LYST: variants seen among roughly 807,000 people sequenced by gnomAD.
LYST encodes lysosomal trafficking regulator.
LYST carries 192 observed loss-of-function variants against 413.6 expected under a neutral mutation model. The ratio of observed to expected loss-of-function variants is 0.46; its 90% confidence interval spans 0.41 to 0.52. The LOEUF is 0.52. Among genes scored for constraint, LYST ranks in the 20% least tolerant of loss-of-function variants. LYST has a pLI of 0.00. For synonymous variants in LYST, 1,525 were observed against 1,567.3 expected, an observed-to-expected ratio of 0.97 and a Z score of 0.64; for missense variants, 3,815 against 4,499.9, an observed-to-expected ratio of 0.85 and a Z score of 4.35.
chr1:235,755,371 A>G, intron 25 of LYST, 107 bp downstream of exon 25: 1 of 1,069,436 alleles, frequency 9.4e-7, no homozygotes, highest in Non-Finnish European at 1.4e-6. Context: ...CCTGGGCAAC[A>G]GGGCGAGACT....
intron 47 of LYST, among the ~76,000 whole-genome samples, chr1:235,690,909 A>C (rs2103068379): frequency 7.2e-6 from 1 of 139,586 alleles, no homozygotes; most frequent in African/African-American, 2.7e-5. Context: ...TACAGTTTAC[A>C]AGTTTCTTTT....
At chr1:235,755,851 G>C (rs1666989461) in intron 24 of LYST, among the ~76,000 whole-genome samples, 1 of 152,082 alleles carries the variant, frequency 6.6e-6, no homozygotes, top group Non-Finnish European at 1.5e-5. Flanking sequence ...CTCCATCTTG[G>C]AGATCTTAAT....
chr1:235,712,950 A>G, intron 42 of LYST: 1 of 985,384 alleles, frequency 1.0e-6, no homozygotes, highest in Non-Finnish European at 1.2e-6. Flanking sequence ...TGAAAACAGT[A>G]GCAGTTTACA....
At chr1:235,835,458 G>A (rs557599398) in intron 1 of LYST, among the ~76,000 whole-genome samples, 5 of 152,256 alleles carry the variant, frequency 3.3e-5, no homozygotes, top group Non-Finnish European at 5.9e-5. Flanking sequence ...AGCTAGATCC[G>A]TCTGTTTCTC....
intron 3 of LYST, among the ~76,000 whole-genome samples, chr1:235,813,625 C>G (rs1416311583): frequency 6.6e-6 from 1 of 152,116 alleles, no homozygotes; most frequent in Admixed American, 6.5e-5. Flanking sequence ...ATGGTCCAAG[C>G]CCTGGAGAAG....
rs1553293955 is a variant in LYST at position 235,778,121 on chromosome 1, A to ATT, written c.5215-815_5215-814dup. 5.3e-4 allele frequency among the ~76,000 whole-genome samples: 77 copies of ATT among 145,296 alleles called. 2 individuals are homozygous for ATT. The highest frequency in any genetic ancestry group is 3.6e-3 in the Middle Eastern group (1 of 280). The stretch of plus-strand genomic sequence containing the variant: ...TAAATATATATATATATATATATAT[A>ATT]TTTTTGTAGAGACATGGTCTTGTTA... On this transcript the variant is annotated intron_variant, in intron 16 of 52. Coordinates refer to ENST00000389793, the MANE Select transcript of LYST (RefSeq NM_000081.4).
intron 6 of LYST, among the ~76,000 whole-genome samples, chr1:235,805,214 G>C (rs182826228): frequency 6.6e-6 from 1 of 152,316 alleles, no homozygotes; most frequent in East Asian, 1.9e-4. Context: ...GAGGTTAGGA[G>C]AAGAATCTGG....
chr1:235,787,119 C>A, intron 14 of LYST, 81 bp downstream of exon 14: 2 of 1,069,526 alleles, frequency 1.9e-6, no homozygotes, highest in Non-Finnish European at 2.9e-6. Flanking sequence ...TTTCTGTATT[C>A]TGTTTCAGAA....
chr1:235,882,927 T>C (rs1681441049), intron 1 of LYST, among the ~76,000 whole-genome samples: 1 of 152,158 alleles, frequency 6.6e-6, no homozygotes, highest in Non-Finnish European at 1.5e-5. Context: ...TGAATGTCTT[T>C]GGCTCACCCC....
chr1:235,727,742 G>A (rs538169333), intron 38 of LYST, among the ~76,000 whole-genome samples: 4 of 151,998 alleles, frequency 2.6e-5, no homozygotes, highest in Non-Finnish European at 5.9e-5. Context: ...TGAAGGCAAA[G>A]GTACTTGATA....
rs1486245370 is a variant in LYST, at chr1:235,777,047, A to C, written c.5460+16T>G. On this transcript the variant is annotated intron_variant, in intron 17 of 52. Transcript: ENST00000389793. ...GTCATTTCTCTTTAGACAAAACTAT[A>C]AGCAGTGATTCTTACCCTGGCAAAG... is the stretch of plus-strand genomic sequence containing the variant. The C allele has an allele frequency of 1.2e-6, 2 of 1,610,450 alleles. No homozygotes were observed. Among genetic ancestry groups the C allele is most frequent in the African/African-American group, 2.7e-5 (2 of 74,864 alleles).
At chr1:235,828,400 C>A (rs1225023101) in intron 3 of LYST, among the ~76,000 whole-genome samples, 5 of 152,094 alleles carry the variant, frequency 3.3e-5, no homozygotes, top group African/African-American at 1.2e-4. Flanking sequence ...GAATTGTACA[C>A]ATAAAATGGG....
intron 48 of LYST, among the ~76,000 whole-genome samples, chr1:235,680,018 T>TATAC (rs1553264039): frequency 6.6e-6 from 1 of 150,522 alleles, no homozygotes; most frequent in African/African-American, 2.4e-5. Flanking sequence ...TATCTATGTA[T>TATAC]ACACACACAC....
chr1:235,714,233 A>G (rs1398716076), intron 42 of LYST, among the ~76,000 whole-genome samples: 2 of 152,176 alleles, frequency 1.3e-5, no homozygotes, highest in African/African-American at 2.4e-5. Flanking sequence ...TGTCCTATTT[A>G]TTTTTTGGTA....
Position 235,809,538 on chromosome 1 carries a change from C to T in LYST, c.1280G>A (p.Ser427Asn), listed in dbSNP as rs1486029757. The T allele has an allele frequency of 6.8e-6, 11 of 1,614,050 alleles. 1 individual carries two copies. The highest frequency in any genetic ancestry group is 6.7e-5 in the East Asian group (3 of 44,876). Residue 427 changes from serine (S) to asparagine (N), a missense_variant, in exon 5 of 53, where the codon AGT (serine) becomes AAT (asparagine). Transcript: ENST00000389793. The surrounding 1 kb of genome is among the most constrained non-coding windows in gnomAD (Gnocchi z 4.0). ...QSAASNPFYF[S>N]QAMDLVQEFI... Reference sequence around the variant, plus strand: ...TTCTTGAACCAAATCCATGGCTTGACTGAAGTAGAAGGGATTTGAAGCTGC... The same window carrying T: ...TTCTTGAACCAAATCCATGGCTTGATTGAAGTAGAAGGGATTTGAAGCTGC...
At chr1:235,748,988 A>G (rs917984363) in intron 28 of LYST, among the ~76,000 whole-genome samples, 1 of 146,976 alleles carries the variant, frequency 6.8e-6, no homozygotes, top group African/African-American at 2.6e-5. Flanking sequence ...AACAAATGCT[A>G]AATGAATCTA....
chr1:235,714,289 A>C (rs986028899), intron 42 of LYST, among the ~76,000 whole-genome samples: 7 of 152,198 alleles, frequency 4.6e-5, no homozygotes, highest in African/African-American at 1.7e-4. Flanking sequence ...GGAGGCCCTC[A>C]ATCTGCCGTC....
intron 22 of LYST, 87 bp downstream of exon 22, chr1:235,762,633 A>C: frequency 1.5e-6 from 2 of 1,378,040 alleles, no homozygotes; most frequent in Non-Finnish European, 2.0e-6. Flanking sequence ...TGTACTACAT[A>C]TACTTCTAAA....
At chr1:235,867,382 A>T (rs1680681203), upstream of LYST, among the ~76,000 whole-genome samples, 1 of 152,228 alleles carries the variant, frequency 6.6e-6, no homozygotes. Context: ...GGAAGGAGTC[A>T]GGAGAGGGAG....
Sources: gnomAD v4.1 joint callset for allele counts (sites outside exome capture counted in the v4.1 genomes callset) on GRCh38, gnomAD v4.1.1 for gene constraint, Gnocchi (gnomAD v3.1) non-coding constraint, MANE v1.5 for transcripts, NCBI Gene and HGNC (gene_info 2026-07-23, HGNC 2026-07-21) for gene names.